Variants in PLCE1 observed in about 807,000 individuals in gnomAD.
PLCE1 encodes the protein 1-phosphatidylinositol 4,5-bisphosphate phosphodiesterase epsilon-1.
Under a neutral mutation model 242.8 loss-of-function variants are expected in PLCE1, and 119 were observed. That is an observed-to-expected ratio of 0.49 (90% CI 0.42 to 0.57). The LOEUF (loss-of-function observed/expected upper bound fraction) is 0.57, where lower values mean the gene tolerates loss of function less well. Among genes scored for constraint, PLCE1 ranks in the 20% least tolerant of loss-of-function variants. PLCE1 has a pLI of 0.00. For missense variants in PLCE1, 2,441 were observed against 2,788.8 expected (o/e 0.88, Z 2.81); for synonymous variants, 945 against 1,017.4 (o/e 0.93, Z 1.35).
intron 4 of PLCE1, among the ~76,000 whole-genome samples, chr10:94,214,764 TG>T (rs958590612): frequency 6.6e-6 from 1 of 152,194 alleles, no homozygotes; most frequent in African/African-American, 2.4e-5. Context: ...GGCTTACTTT[TG>T]CTTACCAGTG....
intron 3 of PLCE1, chr10:94,139,640 C>T (rs1471064976): frequency 6.6e-6 from 1 of 152,152 alleles, no homozygotes; most frequent in African/African-American, 2.4e-5. Flanking sequence ...AAGACAGAAA[C>T]CAGGGTCCTG....
intron 32 of PLCE1, 148 bp downstream of exon 32, chr10:94,325,252 G>T: frequency 1.5e-6 from 1 of 649,580 alleles, no homozygotes; most frequent in Non-Finnish European, 2.8e-6. Context: ...AACAGGAAAA[G>T]GGCTCTGAAG....
chr10:94,131,065 A>C (rs1005416188), intron 2 of PLCE1, among the ~76,000 whole-genome samples: 4 of 152,208 alleles, frequency 2.6e-5, no homozygotes, highest in African/African-American at 9.6e-5. Flanking sequence ...TGGTATATAA[A>C]CAGTAACTAT....
At chr10:94,148,472 C>T (rs1484479273) in intron 3 of PLCE1, among the ~76,000 whole-genome samples, 1 of 152,170 alleles carries the variant, frequency 6.6e-6, no homozygotes, top group East Asian at 1.9e-4. Context: ...CTTCCATTCA[C>T]ACCTGGCCCT....
In PLCE1 at chr10:94,292,524, T is replaced by C. The variant is rs149332196; in HGVS notation, c.5036-984T>C. On this transcript the variant is annotated intron_variant, in intron 22 of 32. Transcript: ENST00000371380. ...CAGCCTGTATATGTATATTATCTTG[T>C]TTATTCCTAACCACAGCCCACTTAC... Among the ~76,000 whole-genome samples the C allele has an allele frequency of 2.2e-3, 340 of 152,330 alleles. 1 individual carries two copies. Among genetic ancestry groups the C allele is most frequent in the African/African-American group, 7.8e-3 (325 of 41,564 alleles).
intron 2 of PLCE1, among the ~76,000 whole-genome samples, chr10:94,051,710 C>T (rs553255456): frequency 5.6e-4 from 85 of 152,184 alleles, no homozygotes; most frequent in Non-Finnish European, 1.9e-4. Flanking sequence ...TCCACAGTTT[C>T]TAAACCTGCT....
At chr10:94,097,672 A>G (rs772800232) in intron 2 of PLCE1, among the ~76,000 whole-genome samples, 4 of 152,248 alleles carry the variant, frequency 2.6e-5, no homozygotes, top group Non-Finnish European at 4.4e-5. Context: ...AAAATGGGTG[A>G]TTCCAAGTAA....
At chr10:94,023,097 G>C (rs1256461138) in intron 1 of PLCE1, among the ~76,000 whole-genome samples, 1 of 152,152 alleles carries the variant, frequency 6.6e-6, no homozygotes, top group Non-Finnish European at 1.5e-5. Context: ...ACAGGAAACA[G>C]ATGAGAGCAA....
chr10:94,280,055 C>T, intron 20 of PLCE1, 144 bp downstream of exon 20: 1 of 851,368 alleles, frequency 1.2e-6, no homozygotes, highest in Non-Finnish European at 1.9e-6. Flanking sequence ...AATTCAGTCA[C>T]TTAGCAAGGA....
At chr10:94,198,468 GA>G (rs2048893267) in intron 4 of PLCE1, among the ~76,000 whole-genome samples, 2 of 152,198 alleles carry the variant, frequency 1.3e-5, no homozygotes, top group South Asian at 4.1e-4. Flanking sequence ...ACATACAATA[GA>G]ATTTGCCTTT....
intron 1 of PLCE1, among the ~76,000 whole-genome samples, chr10:94,029,614 A>G (rs77004714): frequency 0.011 from 1,683 of 152,058 alleles, 33 homozygotes; most frequent in African/African-American, 0.037. Context: ...GTTTCCAGTG[A>G]TTTTTCAGAG....
Position 94,227,374 on chromosome 10 carries a change from A to T in PLCE1, c.1878A>T (p.Ser626=). ...GSMEEKREVF[S]YLVHVAKCCW... is the part of the protein sequence containing the mutation. ...TGGAGGAGAAGCGAGAAGTCTTTTC[A>T]TATTTGGTGCATGTGGCCAAATGCT... Residue 626 remains serine, a synonymous_variant, in exon 5 of 33, where the codon TCA becomes TCT. Coordinates refer to ENST00000371380, the MANE Select transcript of PLCE1 (RefSeq NM_016341.4). 6.2e-7 allele frequency: 1 copy of T among 1,614,000 alleles called. No individual in the cohort carries two copies. Among genetic ancestry groups the T allele is most frequent in the Non-Finnish European group, 8.5e-7 (1 of 1,179,880 alleles).
chr10:94,214,841 G>C (rs1383292307), intron 4 of PLCE1, among the ~76,000 whole-genome samples: 2 of 152,194 alleles, frequency 1.3e-5, no homozygotes, highest in Admixed American at 1.3e-4. Context: ...TCGTGACCCT[G>C]CTCAGTGGCC....
intron 23 of PLCE1, among the ~76,000 whole-genome samples, chr10:94,295,274 C>A (rs2052774723): frequency 6.6e-6 from 1 of 152,090 alleles, no homozygotes; most frequent in Non-Finnish European, 1.5e-5. Context: ...GCTTTATCAA[C>A]TAAATGTATG....
chr10:94,126,217 G>A (rs2046432036), intron 2 of PLCE1, among the ~76,000 whole-genome samples: 1 of 152,244 alleles, frequency 6.6e-6, no homozygotes, highest in Middle Eastern at 3.4e-3. Flanking sequence ...TCATTTCACA[G>A]CACCTACCAT....
chr10:94,274,693 A>G (rs1589455404), intron 19 of PLCE1, among the ~76,000 whole-genome samples: 1 of 152,110 alleles, frequency 6.6e-6, no homozygotes, highest in Non-Finnish European at 1.5e-5. Flanking sequence ...TAAACACTGC[A>G]CCAGCCAAAC....
intron 2 of PLCE1, among the ~76,000 whole-genome samples, chr10:94,101,986 C>G (rs2045555627): frequency 6.6e-6 from 1 of 152,124 alleles, no homozygotes; most frequent in Non-Finnish European, 1.5e-5. Flanking sequence ...TGCAGATGGG[C>G]AGGTCTCTGC....
intron 22 of PLCE1, among the ~76,000 whole-genome samples, chr10:94,290,615 G>A (rs959650914): frequency 7.9e-5 from 12 of 150,962 alleles, no homozygotes; most frequent in South Asian, 2.1e-4. Flanking sequence ...TGATAACAAC[G>A]CTTTCTTCTG....
At chr10:94,252,088 A>G (rs746121594) in intron 8 of PLCE1, among the ~76,000 whole-genome samples, 3 of 152,168 alleles carry the variant, frequency 2.0e-5, no homozygotes, top group African/African-American at 2.4e-5. Flanking sequence ...GTATTAAAGC[A>G]TGTCACTGGA....
Sources: allele counts gnomAD v4.1 joint callset (sites outside exome capture counted in the v4.1 genomes callset), GRCh38; gene constraint gnomAD v4.1.1; transcripts MANE v1.5; gene names NCBI Gene and HGNC (gene_info 2026-07-23, HGNC 2026-07-21).